The following FRMPD4 variants were observed in gnomAD, a reference collection of about 807,000 sequenced individuals.
The protein encoded by FRMPD4 is FERM and PDZ domain containing 4.
In FRMPD4, 22 loss-of-function variants were observed where a neutral mutation model predicts 94.1. The observed-to-expected ratio is 0.23, with a 90% CI of 0.17 to 0.33. FRMPD4 has a LOEUF of 0.33. FRMPD4 is among the 10% of genes least tolerant of loss of function. The pLI is 1.00. For missense variants in FRMPD4, 1,111 were observed against 1,339.9 expected (o/e 0.83, Z 2.67); for synonymous variants, 631 against 548.6 (o/e 1.15, Z -2.10).
chrX:11,994,568 G>C (rs2054486561), intron 3 of FRMPD4, among the ~76,000 whole-genome samples: 1 of 111,047 alleles, frequency 9.0e-6, no homozygotes, highest in Admixed American at 9.5e-5. Context: ...CTTACGGGGG[G>C]AGCTGCTGAA....
At chrX:11,875,475 CTT>C (rs2053777926) in intron 2 of FRMPD4, among the ~76,000 whole-genome samples, 1 of 111,513 alleles carries the variant, frequency 9.0e-6, no homozygotes, top group Non-Finnish European at 1.9e-5. Context: ...AAACAAGAGA[CTT>C]TGTTTCTTGA....
chrX:11,876,152 T>G (rs913661874), intron 2 of FRMPD4, among the ~76,000 whole-genome samples: 3 of 110,103 alleles, frequency 2.7e-5, no homozygotes, highest in African/African-American at 9.9e-5. Context: ...GATCTTGTCT[T>G]CTTTTTTATC....
At chrX:12,680,911 G>C (rs745556115) in intron 5 of FRMPD4, among the ~76,000 whole-genome samples, 1 of 110,879 alleles carries the variant, frequency 9.0e-6, no homozygotes, top group Non-Finnish European at 1.9e-5. Context: ...TCAGGGGCAA[G>C]TAACCTTACG....
chrX:12,372,667 C>T (rs2056179179), intron 1 of FRMPD4, among the ~76,000 whole-genome samples: 1 of 112,618 alleles, frequency 8.9e-6, no homozygotes, highest in African/African-American at 3.2e-5. Context: ...CAGAGTGTGT[C>T]GAGGCTATTG....
intron 2 of FRMPD4, among the ~76,000 whole-genome samples, chrX:12,572,632 G>T (rs1412128811): frequency 8.9e-6 from 1 of 111,794 alleles, no homozygotes; most frequent in African/African-American, 3.3e-5. Context: ...ATTACATGCA[G>T]TAAGGGAGGG....
chrX:12,509,108 G>A (rs1216988842), intron 2 of FRMPD4, among the ~76,000 whole-genome samples: 1 of 110,078 alleles, frequency 9.1e-6, no homozygotes, highest in East Asian at 2.8e-4. Context: ...TGGATGCAGT[G>A]AACAGGGAAC....
Position 12,550,258 on chromosome X carries a change from C to T in FRMPD4, c.158+51462C>T, listed in dbSNP as rs1032242833. Among the ~76,000 whole-genome samples, 8 of 110,529 alleles carry T rather than the reference C, an allele frequency of 7.2e-5. No homozygotes were observed. In the East Asian group the frequency reaches 8.4e-4, roughly 12 times the overall value. On this transcript the variant is annotated intron_variant, in intron 2 of 16. Transcript: ENST00000675598. ...TATGTAGATAGAGGCCTCAAACACA[C>T]GGATCCTTTTAACCATAATTAAAGT...
chrX:12,475,539 G>T (rs1259971704), intron 1 of FRMPD4, among the ~76,000 whole-genome samples: 2 of 111,962 alleles, frequency 1.8e-5, no homozygotes, highest in Non-Finnish European at 3.8e-5. Context: ...GTTTGCAGAT[G>T]ACATGATTGT....
In FRMPD4 at chrX:12,711,644, G is replaced by C. The variant is rs181842125; in HGVS notation, c.1609+1107G>C. Among the ~76,000 whole-genome samples the C allele has an allele frequency of 7.2e-3, 794 of 110,705 alleles. 7 individuals are homozygous for C. Among genetic ancestry groups the C allele is most frequent in the Middle Eastern group, 0.028 (6 of 217 alleles). On this transcript the variant is annotated intron_variant, in intron 14 of 16. Transcript: ENST00000675598. ...CCACCATTCTAGGCACAGCCACTGA[G>C]CCATTAAAAAAAAGTATAATCAGAG...
rs767433077 is a variant in FRMPD4 at position 12,716,973 on chromosome X, C to T, written c.2514C>T (p.Ser838=). The T allele has an allele frequency of 2.6e-5, 32 of 1,209,784 alleles. 2 individuals are homozygous for T. In the South Asian group the frequency reaches 5.3e-4, roughly 20 times the overall value. The change falls in exon 15 of 17, where the codon AGC becomes AGT. Residue 838 remains serine, a synonymous_variant. Transcript: ENST00000675598. ...TCCCCGAGGACAAGGAGAAAGGCAG[C>T]AGCCTGCAAAATGATGAGATCCCCG... is the stretch of plus-strand genomic sequence containing the variant. ...ASFPEDKEKG[S]SLQNDEIPVS...
chrX:12,711,904 C>T (rs756381781), intron 14 of FRMPD4, among the ~76,000 whole-genome samples: 1 of 110,661 alleles, frequency 9.0e-6, no homozygotes, highest in African/African-American at 3.3e-5. Flanking sequence ...CACACTTAAA[C>T]ACGCATACAG....
At chrX:12,506,051 G>T (rs1425759519) in intron 2 of FRMPD4, among the ~76,000 whole-genome samples, 1 of 111,747 alleles carries the variant, frequency 8.9e-6, no homozygotes, top group Non-Finnish European at 1.9e-5. Context: ...CACAGGTTTG[G>T]CATTAGGTGT....
intron 3 of FRMPD4, among the ~76,000 whole-genome samples, chrX:12,052,372 A>G (rs1442123267): frequency 8.9e-6 from 1 of 112,135 alleles, no homozygotes; most frequent in Non-Finnish European, 1.9e-5. Context: ...TATCCAAGAA[A>G]TTTATGGGGT....
chrX:12,194,178 GTC>G (rs2056539870), intron 1 of FRMPD4, among the ~76,000 whole-genome samples: 1 of 110,926 alleles, frequency 9.0e-6, no homozygotes, highest in Non-Finnish European at 1.9e-5. Context: ...GGCCTGTGTA[GTC>G]TTTCTAGCTA....
At chrX:12,475,957 A>C (rs1225495086) in intron 1 of FRMPD4, among the ~76,000 whole-genome samples, 3 of 111,734 alleles carry the variant, frequency 2.7e-5, no homozygotes, top group African/African-American at 9.8e-5. Flanking sequence ...GAATTGGAAA[A>C]AGCTACTTTA....
chrX:11,837,543 C>T (rs2053507925), intron 1 of FRMPD4, among the ~76,000 whole-genome samples: 1 of 111,386 alleles, frequency 9.0e-6, no homozygotes, highest in African/African-American at 3.3e-5. Context: ...AGAAATGATA[C>T]ATTTTTATCA....
At chrX:12,668,522 G>A (rs958075766) in intron 4 of FRMPD4, among the ~76,000 whole-genome samples, 1 of 108,934 alleles carries the variant, frequency 9.2e-6, no homozygotes, top group South Asian at 4.0e-4. Context: ...TTAATAAAGT[G>A]TGCTGAGGAG....
intron 1 of FRMPD4, among the ~76,000 whole-genome samples, chrX:12,468,308 G>A (rs1326973624): frequency 8.9e-6 from 1 of 112,132 alleles, no homozygotes; most frequent in Non-Finnish European, 1.9e-5. Context: ...CAAAGAGCTA[G>A]AACAAATTAT....
intron 14 of FRMPD4, among the ~76,000 whole-genome samples, chrX:12,711,176 T>A (rs184941010): frequency 9.0e-6 from 1 of 111,617 alleles, no homozygotes; most frequent in East Asian, 2.8e-4. Flanking sequence ...AGAGGACTAA[T>A]GATGGAATGC....
Sources: gnomAD v4.1 joint callset for allele counts (sites outside exome capture counted in the v4.1 genomes callset) on GRCh38, gnomAD v4.1.1 for gene constraint, MANE v1.5 for transcripts, NCBI Gene and HGNC (gene_info 2026-07-23, HGNC 2026-07-21) for gene names.